The following ZNF385D variants were observed in gnomAD, a reference collection of about 807,000 sequenced individuals.
ZNF385D encodes zinc finger protein 659.
In ZNF385D, 15 loss-of-function variants were observed where a neutral mutation model predicts 35.8. That is an observed-to-expected ratio of 0.42 (90% confidence interval 0.28 to 0.64). The LOEUF is 0.64. Among genes scored for constraint, ZNF385D ranks in the 30% least tolerant of loss-of-function variants. ZNF385D has a pLI of 0.23. For missense variants in ZNF385D, 474 were observed against 494.6 expected, an observed-to-expected ratio of 0.96 and a Z score of 0.39; for synonymous variants, 212 against 186.8, an observed-to-expected ratio of 1.13 and a Z score of -1.10.
At chr3:21,511,511 C>T (rs1707198029) in intron 3 of ZNF385D, 2 of 365,390 alleles carry the variant, frequency 5.5e-6, no homozygotes, top group Non-Finnish European at 1.1e-5. Flanking sequence ...GAAGTAAGCA[C>T]CCTGGAGACT....
At chr3:22,288,104 T>G (rs951855346) in intron 2 of ZNF385D, among the ~76,000 whole-genome samples, 2 of 151,900 alleles carry the variant, frequency 1.3e-5, no homozygotes, top group Non-Finnish European at 2.9e-5. Flanking sequence ...TTGCAATGTT[T>G]TTGCTAAAAA....
chr3:21,685,202 C>CA (rs1318118572), intron 1 of ZNF385D, among the ~76,000 whole-genome samples: 5 of 152,166 alleles, frequency 3.3e-5, no homozygotes, highest in African/African-American at 1.2e-4. Flanking sequence ...GATTCCTTCT[C>CA]AATGAACGTA....
intron 3 of ZNF385D, among the ~76,000 whole-genome samples, chr3:22,163,010 A>G (rs1228285435): frequency 6.6e-6 from 1 of 152,126 alleles, no homozygotes; most frequent in African/African-American, 2.4e-5. Context: ...TAGAATTGAA[A>G]CAGAGACATC....
Position 21,421,423 on chromosome 3 carries a change from G to C in ZNF385D, c.979C>G (p.Pro327Ala), listed in dbSNP as rs755733545. 26 of 1,612,810 alleles carry C rather than the reference G, an allele frequency of 1.6e-5. 1 individual carries two copies. The Admixed American group carries it at 3.0e-4, about 19-fold the overall frequency. ...LGVKLVFSKE[P>A]SKPLAPRILP... Reference sequence around the variant, plus strand: ...ATTCGTGGAGCCAATGGCTTTGAAGGTTCTTTTGAAAATACTAATTTTACC... The same window carrying C: ...ATTCGTGGAGCCAATGGCTTTGAAGCTTCTTTTGAAAATACTAATTTTACC... The change falls in exon 8 of 8, where the codon CCT becomes GCT. Residue 327 changes from proline (P) to alanine (A), a missense_variant. Transcript: ENST00000281523.
In ZNF385D at chr3:21,925,542, A is replaced by G. The variant is rs150500091; in HGVS notation, c.325+243275T>C. ...TTATAAAAATAGAAAACAATGGAGA[A>G]AAGTTTATACATCTAGAACTAGTCA... On this transcript the variant is annotated intron_variant, in intron 3 of 5. Coordinates refer to the ZNF385D transcript ENST00000494108. Among the ~76,000 whole-genome samples the G allele has an allele frequency of 1.9e-3, 296 of 152,308 alleles. 1 individual carries two copies. The highest frequency in any genetic ancestry group is 6.8e-3 in the African/African-American group (282 of 41,580).
intron 2 of ZNF385D, among the ~76,000 whole-genome samples, chr3:21,605,977 T>A (rs1234717883): frequency 1.3e-5 from 2 of 152,180 alleles, no homozygotes; most frequent in African/African-American, 2.4e-5. Flanking sequence ...GTGCTGGTAT[T>A]CTCTGTTGGC....
Position 21,471,645 on chromosome 3 carries a change from C to T in ZNF385D, c.440-34442G>A, listed in dbSNP as rs574897926. Among the ~76,000 whole-genome samples the T allele has an allele frequency of 3.9e-5, 6 of 152,172 alleles. No homozygotes were observed. The South Asian group carries it at 8.3e-4, about 21-fold the overall frequency. On this transcript the variant is annotated intron_variant, in intron 4 of 7. Coordinates refer to ENST00000281523, the MANE Select transcript of ZNF385D (RefSeq NM_024697.3). ...ACACAGAGAAACACTTCTCACCCCT[C>T]GAGTTAAACATCAAAATATTTTTTG... is the stretch of plus-strand genomic sequence containing the variant.
chr3:22,122,474 C>T (rs958595266), intron 3 of ZNF385D, among the ~76,000 whole-genome samples: 10 of 151,934 alleles, frequency 6.6e-5, no homozygotes, highest in African/African-American at 2.4e-4. Flanking sequence ...TATGTATTGA[C>T]TCTAATCATA....
At chr3:22,186,486 C>G (rs1057416070) in intron 2 of ZNF385D, among the ~76,000 whole-genome samples, 3 of 152,140 alleles carry the variant, frequency 2.0e-5, no homozygotes, top group African/African-American at 7.2e-5. Flanking sequence ...CCATCTCTGT[C>G]GTCAGAGACA....
At chr3:21,759,093 T>A (rs1334345681) in intron 3 of ZNF385D, among the ~76,000 whole-genome samples, 2 of 150,862 alleles carry the variant, frequency 1.3e-5, no homozygotes, top group African/African-American at 2.4e-5. Context: ...GTATCTCAGT[T>A]GAGGAAATGA....
chr3:21,701,744 C>T (rs1208454843), intron 1 of ZNF385D, among the ~76,000 whole-genome samples: 2 of 152,082 alleles, frequency 1.3e-5, no homozygotes, highest in Non-Finnish European at 2.9e-5. Context: ...ACAGCCATTC[C>T]AAATGGGAGA....
At chr3:22,357,132 A>C (rs1696191039) in intron 2 of ZNF385D, among the ~76,000 whole-genome samples, 1 of 151,980 alleles carries the variant, frequency 6.6e-6, no homozygotes, top group South Asian at 2.1e-4. Context: ...TCCTGTCTTA[A>C]CACAATGAAG....
chr3:21,907,877 G>A (rs899396406), intron 3 of ZNF385D, among the ~76,000 whole-genome samples: 1 of 152,004 alleles, frequency 6.6e-6, no homozygotes, highest in Non-Finnish European at 1.5e-5. Context: ...GGAGACTGAG[G>A]GAAGCCAAGG....
chr3:21,730,097 C>T (rs926181589), intron 1 of ZNF385D, among the ~76,000 whole-genome samples: 2 of 152,120 alleles, frequency 1.3e-5, no homozygotes, highest in Admixed American at 1.3e-4. Context: ...AACAACCTCC[C>T]GAAGAGACAG....
At chr3:22,098,492 T>C (rs931820244) in intron 3 of ZNF385D, among the ~76,000 whole-genome samples, 42 of 152,070 alleles carry the variant, frequency 2.8e-4, no homozygotes, top group Non-Finnish European at 1.9e-4. Context: ...TAATTAGAAA[T>C]TGATTTAATT....
intron 3 of ZNF385D, among the ~76,000 whole-genome samples, chr3:22,101,659 G>A (rs1281923974): frequency 1.3e-5 from 2 of 151,712 alleles, no homozygotes; most frequent in Admixed American, 6.6e-5. Context: ...GAACAATAGG[G>A]GCATGTACGT....
chr3:21,656,527 T>G (rs1440427672), intron 2 of ZNF385D, among the ~76,000 whole-genome samples: 2 of 151,950 alleles, frequency 1.3e-5, no homozygotes, highest in South Asian at 4.1e-4. Context: ...CATAATGAAT[T>G]AGGGCCCACT....
At chr3:22,082,533 A>C (rs2125585630) in intron 3 of ZNF385D, among the ~76,000 whole-genome samples, 1 of 152,254 alleles carries the variant, frequency 6.6e-6, no homozygotes, top group African/African-American at 2.4e-5. Flanking sequence ...TTGAGTAGGT[A>C]AACAAAGTGG....
chr3:21,769,077 G>T (rs6795814), intron 3 of ZNF385D, among the ~76,000 whole-genome samples: 84,758 of 151,672 alleles, frequency 0.56, 24,254 homozygotes, highest in East Asian at 0.78. Flanking sequence ...TAGCATGAAG[G>T]GCTGTTGAAT....
Sources: gnomAD v4.1 joint callset for allele counts (sites outside exome capture counted in the v4.1 genomes callset) on GRCh38, gnomAD v4.1.1 for gene constraint, MANE v1.5 for transcripts, NCBI Gene and HGNC (gene_info 2026-07-23, HGNC 2026-07-21) for gene names.